Variants in TECTA observed in about 807,000 individuals in gnomAD.
The protein encoded by TECTA is alpha-tectorin.
TECTA carries 128 observed loss-of-function variants against 216.8 expected under a neutral mutation model. The ratio of observed to expected loss-of-function variants is 0.59; its 90% CI spans 0.51 to 0.68. The LOEUF (loss-of-function observed/expected upper bound fraction) is 0.68, where lower values mean the gene tolerates loss of function less well. Among genes scored for constraint, TECTA ranks in the 30% least tolerant of loss-of-function variants. The probability of loss-of-function intolerance (pLI) is 0.00; values close to 1 mark genes in which losing one functional copy is unlikely to be tolerated. For synonymous variants in TECTA, 1,089 were observed against 1,117.1 expected, an observed-to-expected ratio of 0.97 and a Z score of 0.50; for missense variants, 2,551 against 2,786.2, an observed-to-expected ratio of 0.92 and a Z score of 1.90.
intron 15 of TECTA, among the ~76,000 whole-genome samples, chr11:121,161,026 G>C (rs1946993629): frequency 6.6e-6 from 1 of 152,200 alleles, no homozygotes; most frequent in African/African-American, 2.4e-5. Flanking sequence ...TACCTTTCTG[G>C]ATCTGTAGAC....
At chr11:121,151,592 T>C (rs1462740607) in intron 12 of TECTA, among the ~76,000 whole-genome samples, 1 of 152,180 alleles carries the variant, frequency 6.6e-6, no homozygotes, top group Non-Finnish European at 1.5e-5. Flanking sequence ...TCTGGAAAAA[T>C]TGACTATAGT....
chr11:121,167,134 T>A (rs1947062322), intron 18 of TECTA, among the ~76,000 whole-genome samples: 1 of 152,204 alleles, frequency 6.6e-6, no homozygotes, highest in Admixed American at 6.5e-5. Context: ...GAACCTCATT[T>A]AACAGGTGGC....
intron 7 of TECTA, 93 bp from the exon 8 acceptor site, chr11:121,125,209 G>A: frequency 7.7e-7 from 1 of 1,298,476 alleles, no homozygotes; most frequent in Non-Finnish European, 1.1e-6. Flanking sequence ...TCTCTGGAGT[G>A]TTGAGTTGCT....
intron 10 of TECTA, among the ~76,000 whole-genome samples, chr11:121,130,561 C>T (rs1340802850): frequency 6.6e-6 from 1 of 152,122 alleles, no homozygotes; most frequent in African/African-American, 2.4e-5. Flanking sequence ...AGAAGAGCCC[C>T]ATTGATTTTG....
chr11:121,110,701 A>G (rs1297624366), intron 4 of TECTA: 1 of 152,210 alleles, frequency 6.6e-6, no homozygotes, highest in Non-Finnish European at 1.5e-5. Context: ...CCAGCAATTG[A>G]TAAATTTTAG....
At chr11:121,157,527 G>C (rs1216375694) in intron 13 of TECTA, among the ~76,000 whole-genome samples, 1 of 152,082 alleles carries the variant, frequency 6.6e-6, no homozygotes, top group African/African-American at 2.4e-5. Flanking sequence ...CAGGCGTTCC[G>C]GGTTACTTAC....
chr11:121,133,384 A>T (rs1946693998), intron 10 of TECTA, among the ~76,000 whole-genome samples: 1 of 152,168 alleles, frequency 6.6e-6, no homozygotes, highest in South Asian at 2.1e-4. Flanking sequence ...TTTAACATTG[A>T]TATAGTAATT....
intron 10 of TECTA, among the ~76,000 whole-genome samples, chr11:121,137,098 G>A (rs1946734601): frequency 6.6e-6 from 1 of 152,124 alleles, no homozygotes; most frequent in South Asian, 2.1e-4. Flanking sequence ...ATATACAGAG[G>A]CACACACATG....
chr11:121,147,976 C>T (rs909718125), intron 12 of TECTA, among the ~76,000 whole-genome samples: 1 of 152,110 alleles, frequency 6.6e-6, no homozygotes, highest in Non-Finnish European at 1.5e-5. Flanking sequence ...AACCTTACCC[C>T]CAAGGAATAA....
chr11:121,165,599 A>C (rs887424729), intron 17 of TECTA, among the ~76,000 whole-genome samples: 5 of 152,198 alleles, frequency 3.3e-5, no homozygotes, highest in Admixed American at 3.3e-4. Context: ...CATGAATGGA[A>C]CCAGCCGGTT....
chr11:121,184,946 T>G (rs1386326220), intron 20 of TECTA, among the ~76,000 whole-genome samples: 1 of 152,234 alleles, frequency 6.6e-6, no homozygotes, highest in Non-Finnish European at 1.5e-5. Flanking sequence ...CTTTTTGTAT[T>G]CCTTTCGCAA....
chr11:121,189,011 G>C (rs779081525), intron 21 of TECTA, 69 bp from the exon 22 acceptor site: 20 of 1,535,868 alleles, frequency 1.3e-5, no homozygotes, highest in Non-Finnish European at 1.5e-5. Flanking sequence ...TTTTAGAGGT[G>C]AAACATGGTG....
chr11:121,189,543 T>G (rs1222485340), intron 22 of TECTA, among the ~76,000 whole-genome samples: 1 of 151,962 alleles, frequency 6.6e-6, no homozygotes, highest in Non-Finnish European at 1.5e-5. Context: ...CCGGCTAATT[T>G]TTTTGTATTT....
Position 121,181,872 on chromosome 11 carries a change from TG to T in TECTA, c.6000-5958del, listed in dbSNP as rs1231308916. 4.6e-5 allele frequency among the ~76,000 whole-genome samples: 7 copies of T among 152,392 alleles called. No homozygotes were observed. The East Asian group carries it at 1.3e-3, about 29-fold the overall frequency. On this transcript the variant is annotated intron_variant, in intron 20 of 23. Coordinates refer to ENST00000392793, the MANE Select transcript of TECTA (RefSeq NM_005422.4). ...TATAATAGTTGCTTCTCCAATTTTATGGATTGGCTTTTGTAGGGACAGAGTT... is the reference window on the plus strand; with the variant it reads ...TATAATAGTTGCTTCTCCAATTTTATGATTGGCTTTTGTAGGGACAGAGTT...
At chr11:121,118,836 G>A (rs928645678) in intron 7 of TECTA, 118 bp downstream of exon 7, 9 of 1,337,578 alleles carry the variant, frequency 6.7e-6, no homozygotes, top group African/African-American at 2.9e-5. Flanking sequence ...CCAAAGAGAT[G>A]CACAGCTCTC....
chr11:121,137,811 T>G lies in TECTA; in HGVS notation c.3332T>G (p.Phe1111Cys), dbSNP rs1265107416. The G allele has an allele frequency of 6.2e-7, 1 of 1,612,344 alleles. No individual in the cohort carries two copies. The highest frequency in any genetic ancestry group is 1.7e-5 in the Admixed American group (1 of 59,996). ...TCAGGCTACGGCCACTACCTCACCTTTGATGGCTTCCCCTTTGACTTCCAG... is the reference window on the plus strand; with the variant it reads ...TCAGGCTACGGCCACTACCTCACCTGTGATGGCTTCCCCTTTGACTTCCAG... ...IVSGYGHYLT[F>C]DGFPFDFQTS... Residue 1111 changes from phenylalanine (F) to cysteine (C), a missense_variant, in exon 11 of 24, where the codon TTT (phenylalanine) becomes TGT (cysteine). Around this residue, in one of 3 missense-constraint regions of TECTA, gnomAD observed 2,375 missense variants for 2,563.9 expected, o/e 0.93. Transcript: ENST00000392793.
chr11:121,148,832 T>C (rs1208697419), intron 12 of TECTA, among the ~76,000 whole-genome samples: 1 of 152,252 alleles, frequency 6.6e-6, no homozygotes, highest in African/African-American at 2.4e-5. Context: ...GAAAATCTTG[T>C]AACCTAAGTT....
Position 121,130,060 on chromosome 11 carries a change from G to A in TECTA, c.2790G>A (p.Val930=). 6.2e-7 allele frequency: 1 copy of A among 1,614,146 alleles called. No individual in the cohort carries two copies. Among genetic ancestry groups the A allele is most frequent in the Non-Finnish European group, 8.5e-7 (1 of 1,180,014 alleles). ...NSSFLECHGV[V]NVTAYYRTCL... is the part of the protein sequence containing the mutation. Reference sequence around the variant, plus strand: ...CCTTCCTGGAGTGCCATGGGGTGGTGAACGTCACTGCCTATTACCGCACCT... The same window carrying A: ...CCTTCCTGGAGTGCCATGGGGTGGTAAACGTCACTGCCTATTACCGCACCT... Residue 930 remains valine (V), a synonymous_variant, in exon 10 of 24, where the codon GTG becomes GTA. Transcript: ENST00000392793.
intron 20 of TECTA, among the ~76,000 whole-genome samples, chr11:121,172,084 T>A (rs1215351162): frequency 6.6e-6 from 1 of 152,216 alleles, no homozygotes; most frequent in Non-Finnish European, 1.5e-5. Flanking sequence ...TGTGCCTAAT[T>A]TTTTGAGAAT....
Sources: gnomAD v4.1 joint callset for allele counts (sites outside exome capture counted in the v4.1 genomes callset) on GRCh38, gnomAD v4.1.1 for gene constraint, gnomAD v4.1.1 regional missense constraint, MANE v1.5 for transcripts, NCBI Gene and HGNC (gene_info 2026-07-23, HGNC 2026-07-21) for gene names.